The following PRR16 variants were observed in gnomAD, a reference collection of about 807,000 sequenced individuals.
PRR16 encodes the protein protein Largen.
A neutral mutation model predicts 18.2 loss-of-function variants in PRR16; 6 were observed. That is an observed-to-expected ratio of 0.33 (90% CI 0.18 to 0.65). The LOEUF (loss-of-function observed/expected upper bound fraction) is 0.65, where lower values mean the gene tolerates loss of function less well. Among genes scored for constraint, PRR16 ranks in the 30% least tolerant of loss-of-function variants. The pLI, the probability that PRR16 is intolerant of heterozygous loss-of-function variation, is 0.74. For synonymous variants in PRR16, 151 were observed against 147.8 expected, an observed-to-expected ratio of 1.02 and a Z score of -0.16; for missense variants, 412 against 376.6, an observed-to-expected ratio of 1.09 and a Z score of -0.78.
intron 1 of PRR16, among the ~76,000 whole-genome samples, chr5:120,518,312 TA>T (rs1751062909): frequency 6.6e-6 from 1 of 152,138 alleles, no homozygotes; most frequent in Non-Finnish European, 1.5e-5. Flanking sequence ...TTATTTGTTT[TA>T]ATTGTATATA....
chr5:120,488,447 T>A lies in PRR16; in HGVS notation c.159+23802T>A, dbSNP rs557806916. ...TAGTTTATTTGTGTAGAGGTGTTTATAGTATTCTCTGACGGTAGTTTGTAT... is the reference window on the plus strand; with the variant it reads ...TAGTTTATTTGTGTAGAGGTGTTTAAAGTATTCTCTGACGGTAGTTTGTAT... On this transcript the variant is annotated intron_variant, in intron 1 of 1. Transcript: ENST00000407149. Among the ~76,000 whole-genome samples the A allele has an allele frequency of 2.0e-5, 3 of 152,330 alleles. No individual in the cohort carries two copies. In the South Asian group the frequency reaches 6.2e-4, roughly 32 times the overall value.
At chr5:120,758,133 T>A in the PRR16 span, among the ~76,000 whole-genome samples, 2 of 152,166 alleles carry the variant, frequency 1.3e-5, no homozygotes, top group African/African-American at 4.8e-5. Context: ...TTTGTAATTA[T>A]GCATTTAGGT....
At position 120,464,655 on chromosome 5, in the gene PRR16, G is replaced by GC. The variant is rs1561500764; in HGVS notation, c.159+11dup. 3 of 1,548,740 alleles carry GC rather than the reference G, an allele frequency of 1.9e-6. No homozygotes were observed. Among genetic ancestry groups the GC allele is most frequent in the East Asian group, 4.7e-5 (2 of 42,318 alleles). ...CAAGGAACTTAAGGAGGTGAGAGGC[G>GC]CAGGGGTGGGGAGGGAGTTCGGCAC... On this transcript the variant is annotated intron_variant, in intron 1 of 1. Coordinates refer to ENST00000407149, the MANE Select transcript of PRR16 (RefSeq NM_001300783.2).
At chr5:120,529,580 G>A (rs1184212505) in intron 1 of PRR16, among the ~76,000 whole-genome samples, 1 of 152,008 alleles carries the variant, frequency 6.6e-6, no homozygotes, top group Non-Finnish European at 1.5e-5. Context: ...ATTCCTGCTG[G>A]GCATTTACTA....
At chr5:120,792,990 A>G in the PRR16 span, among the ~76,000 whole-genome samples, 3 of 148,124 alleles carry the variant, frequency 2.0e-5, no homozygotes, top group African/African-American at 7.3e-5. Flanking sequence ...CTGTCTCTAC[A>G]AAAAATAAAA....
At chr5:120,516,113 C>T (rs1750980582) in intron 1 of PRR16, among the ~76,000 whole-genome samples, 1 of 151,802 alleles carries the variant, frequency 6.6e-6, no homozygotes, top group Non-Finnish European at 1.5e-5. Context: ...AAAGCAAAAC[C>T]AAACCAAACC....
chr5:120,724,920 A>T, the PRR16 span, among the ~76,000 whole-genome samples: 1 of 151,716 alleles, frequency 6.6e-6, no homozygotes, highest in Non-Finnish European at 1.5e-5. Context: ...TATGAAAATT[A>T]AAAAAAATAT....
chr5:120,719,825 T>C, the PRR16 span, among the ~76,000 whole-genome samples: 2 of 152,096 alleles, frequency 1.3e-5, no homozygotes, highest in African/African-American at 4.8e-5. Flanking sequence ...TTATTTTATC[T>C]TGATCTTACA....
At chr5:120,606,838 A>C (rs1282349816) in intron 1 of PRR16, among the ~76,000 whole-genome samples, 1 of 152,108 alleles carries the variant, frequency 6.6e-6, no homozygotes, top group Non-Finnish European at 1.5e-5. Flanking sequence ...GCCACGAAAC[A>C]CAAGGCTACA....
chr5:120,533,500 A>G (rs1008001688), intron 1 of PRR16, among the ~76,000 whole-genome samples: 3 of 152,212 alleles, frequency 2.0e-5, no homozygotes, highest in South Asian at 2.1e-4. Flanking sequence ...AGGGGTAGGG[A>G]TAAGTGCTAT....
At chr5:120,793,064 A>G in the PRR16 span, among the ~76,000 whole-genome samples, 5 of 151,456 alleles carry the variant, frequency 3.3e-5, no homozygotes, top group African/African-American at 1.2e-4. Context: ...AGGTGGGAGG[A>G]TGGCTTGAGC....
the PRR16 span, among the ~76,000 whole-genome samples, chr5:120,773,049 G>A: frequency 1.3e-5 from 2 of 152,206 alleles, no homozygotes; most frequent in East Asian, 3.9e-4. Flanking sequence ...GCTATAGCAT[G>A]TGTCTACTTC....
chr5:120,759,221 C>G, the PRR16 span, among the ~76,000 whole-genome samples: 1 of 151,972 alleles, frequency 6.6e-6, no homozygotes, highest in South Asian at 2.1e-4. Context: ...CATGATCTGC[C>G]CGCTTCGGCC....
chr5:120,610,393 A>C (rs1222607266), intron 1 of PRR16, among the ~76,000 whole-genome samples: 1 of 150,848 alleles, frequency 6.6e-6, no homozygotes, highest in Non-Finnish European at 1.5e-5. Flanking sequence ...ATATTTATTT[A>C]AAATAAATAA....
intron 1 of PRR16, among the ~76,000 whole-genome samples, chr5:120,504,432 C>G (rs1457310291): frequency 6.6e-6 from 1 of 152,164 alleles, no homozygotes; most frequent in Non-Finnish European, 1.5e-5. Flanking sequence ...TGATAATTTA[C>G]TGAAGAAATT....
At chr5:120,786,588 T>C in the PRR16 span, among the ~76,000 whole-genome samples, 101 of 149,364 alleles carry the variant, frequency 6.8e-4, no homozygotes, top group African/African-American at 2.3e-3. Context: ...AAAACTATAA[T>C]ATACAAAAAT....
intron 1 of PRR16, among the ~76,000 whole-genome samples, chr5:120,465,298 C>G (rs2924150): frequency 6.6e-6 from 1 of 152,250 alleles, no homozygotes; most frequent in African/African-American, 2.4e-5. Flanking sequence ...ACCAGTAACT[C>G]TGGGCCTTCC....
intron 1 of PRR16, among the ~76,000 whole-genome samples, chr5:120,649,993 G>T (rs2150130590): frequency 6.6e-6 from 1 of 152,028 alleles, no homozygotes; most frequent in South Asian, 2.1e-4. Flanking sequence ...GCCTAGGTGG[G>T]CAGATCACGA....
At position 120,607,827 on chromosome 5, in the gene PRR16, A is replaced by G. The variant is rs558956428; in HGVS notation, c.160-78127A>G. On this transcript the variant is annotated intron_variant, in intron 1 of 1. Coordinates refer to ENST00000407149, the MANE Select transcript of PRR16 (RefSeq NM_001300783.2). Reference sequence around the variant, plus strand: ...GTAAACTCATTTTTGATAAAACAAGATGAATCTTATATACCTGACACATTC... The same window carrying G: ...GTAAACTCATTTTTGATAAAACAAGGTGAATCTTATATACCTGACACATTC... Among the ~76,000 whole-genome samples the G allele has an allele frequency of 2.6e-5, 4 of 152,282 alleles. No individual in the cohort carries two copies. In the East Asian group the frequency reaches 7.7e-4, roughly 29 times the overall value.
Sources: gnomAD v4.1 joint callset for allele counts (sites outside exome capture counted in the v4.1 genomes callset) on GRCh38, gnomAD v4.1.1 for gene constraint, MANE v1.5 for transcripts, NCBI Gene and HGNC (gene_info 2026-07-23, HGNC 2026-07-21) for gene names.